COL23A1: variants seen among roughly 807,000 people sequenced by gnomAD.
COL23A1 encodes the protein collagen alpha-1(XXIII) chain.
In COL23A1, 97 loss-of-function variants were observed where a neutral mutation model predicts 99.3. The ratio of observed to expected loss-of-function variants is 0.98; its 90% CI spans 0.83 to 1.16. The LOEUF (loss-of-function observed/expected upper bound fraction) is 1.16, where lower values mean the gene tolerates loss of function less well. Ranked by LOEUF, COL23A1 falls within the 50% of genes most tolerant of loss-of-function variation. The pLI is 0.00. For synonymous variants in COL23A1, 320 were observed against 308.2 expected, an observed-to-expected ratio of 1.04 and a Z score of -0.40; for missense variants, 762 against 757.4, an observed-to-expected ratio of 1.01 and a Z score of -0.07.
At chr5:178,546,987 CAG>C (rs1761617589) in intron 2 of COL23A1, among the ~76,000 whole-genome samples, 1 of 152,302 alleles carries the variant, frequency 6.6e-6, no homozygotes, top group South Asian at 2.1e-4. Flanking sequence ...CGCTCGCATG[CAG>C]AGTGGCCTTC....
chr5:178,465,844 T>C lies in COL23A1; in HGVS notation c.361+94838A>G, dbSNP rs550957471. On this transcript the variant is annotated intron_variant, in intron 2 of 28. Transcript: ENST00000390654. The stretch of plus-strand genomic sequence containing the variant: ...GGACTGGCGTGCAGGGGCAGGGAGA[T>C]GTGGGGTGGTCAGTACCAACCAGCG... Among the ~76,000 whole-genome samples, 56 of 152,212 alleles carry C rather than the reference T, an allele frequency of 3.7e-4. 1 individual carries two copies. The Middle Eastern group carries it at 0.014, about 37-fold the overall frequency.
intron 3 of COL23A1, among the ~76,000 whole-genome samples, chr5:178,298,403 A>G (rs758927483): frequency 1.1e-4 from 17 of 152,186 alleles, no homozygotes; most frequent in Non-Finnish European, 2.1e-4. Flanking sequence ...TCATGTCTCC[A>G]GTGTTTCCCA....
chr5:178,362,836 A>G (rs1326985955), intron 2 of COL23A1, among the ~76,000 whole-genome samples: 3 of 151,980 alleles, frequency 2.0e-5, no homozygotes, highest in African/African-American at 7.2e-5. Flanking sequence ...AGCCCATGGC[A>G]CAGCCCAGCA....
At position 178,311,729 on chromosome 5, in the gene COL23A1, TTTTGTTTTG is replaced by T. The variant is rs1483795112; in HGVS notation, c.362-4819_362-4811del. 1.6e-4 allele frequency among the ~76,000 whole-genome samples: 2 copies of T among 12,584 alleles called. 1 individual carries two copies. Among genetic ancestry groups the T allele is most frequent in the Non-Finnish European group, 6.5e-4 (2 of 3,094 alleles). The allele number at this position is 12,584 out of a possible 152,430, so 8.3% of individuals were successfully genotyped here. ...CACTGTGTAACTGTTTTTTGTTTTG[TTTTGTTTTG>T]TTTTTTTTTTGAGACGGAGTCTCAC... On this transcript the variant is annotated intron_variant, in intron 2 of 28. Coordinates refer to ENST00000390654, the MANE Select transcript of COL23A1 (RefSeq NM_173465.4).
At chr5:178,465,171 C>T (rs1756344721) in intron 2 of COL23A1, among the ~76,000 whole-genome samples, 2 of 152,202 alleles carry the variant, frequency 1.3e-5, no homozygotes, top group East Asian at 1.9e-4. Flanking sequence ...CAGCCTTGCA[C>T]AGCGTGTACA....
intron 2 of COL23A1, among the ~76,000 whole-genome samples, chr5:178,449,575 T>C (rs1374290422): frequency 7.0e-6 from 1 of 143,552 alleles, no homozygotes; most frequent in African/African-American, 2.7e-5. Context: ...TTAAAAATAA[T>C]GCTCATTAAA....
chr5:178,577,683 G>A (rs1208900103), intron 1 of COL23A1, among the ~76,000 whole-genome samples: 2 of 152,184 alleles, frequency 1.3e-5, no homozygotes. Flanking sequence ...TCCTCTGGCC[G>A]CGCTGCGCCC....
At chr5:178,396,882 G>C (rs1282754453) in intron 2 of COL23A1, among the ~76,000 whole-genome samples, 1 of 152,166 alleles carries the variant, frequency 6.6e-6, no homozygotes, top group Non-Finnish European at 1.5e-5. Flanking sequence ...CTCCTGCCCA[G>C]GACTGTTTGG....
intron 2 of COL23A1, among the ~76,000 whole-genome samples, chr5:178,391,657 T>C (rs889375961): frequency 6.6e-6 from 1 of 152,106 alleles, no homozygotes; most frequent in African/African-American, 2.4e-5. Flanking sequence ...TGCAGCAGCT[T>C]TGGAAGACAG....
intron 2 of COL23A1, among the ~76,000 whole-genome samples, chr5:178,397,472 G>A (rs1483471156): frequency 6.6e-6 from 1 of 152,206 alleles, no homozygotes; most frequent in African/African-American, 2.4e-5. Context: ...AAAGTCATCA[G>A]GACACAGAAC....
intron 2 of COL23A1, among the ~76,000 whole-genome samples, chr5:178,419,072 G>T (rs181193550): frequency 9.2e-5 from 14 of 152,176 alleles, no homozygotes; most frequent in South Asian, 4.1e-4. Context: ...GCCCCATCCT[G>T]TCTGCTCCCT....
intron 2 of COL23A1, among the ~76,000 whole-genome samples, chr5:178,551,688 C>A (rs190298840): frequency 6.6e-6 from 1 of 152,132 alleles, no homozygotes. Context: ...CCCTCCTCCC[C>A]GTGCCTGGCA....
intron 1 of COL23A1, among the ~76,000 whole-genome samples, chr5:178,586,980 G>C (rs1764037245): frequency 1.3e-5 from 2 of 152,186 alleles, no homozygotes; most frequent in South Asian, 4.1e-4. Flanking sequence ...ACAATGGAAG[G>C]CCAACAGCCA....
At chr5:178,488,281 T>C (rs1757740431) in intron 2 of COL23A1, among the ~76,000 whole-genome samples, 1 of 152,170 alleles carries the variant, frequency 6.6e-6, no homozygotes, top group Non-Finnish European at 1.5e-5. Context: ...TGCTAGAGAT[T>C]TGCCCAGGAA....
chr5:178,473,448 C>T (rs1277475787), intron 2 of COL23A1, among the ~76,000 whole-genome samples: 1 of 146,790 alleles, frequency 6.8e-6, no homozygotes, highest in African/African-American at 2.5e-5. Flanking sequence ...GCATGAGCCA[C>T]TACATCCGGC....
At chr5:178,564,669 CG>C (rs1176965301) in intron 1 of COL23A1, among the ~76,000 whole-genome samples, 1 of 152,068 alleles carries the variant, frequency 6.6e-6, no homozygotes, top group African/African-American at 2.4e-5. Flanking sequence ...GGGGGAAGGG[CG>C]GCAAGAGCTC....
chr5:178,529,079 C>A (rs183295570), intron 2 of COL23A1, among the ~76,000 whole-genome samples: 5 of 152,216 alleles, frequency 3.3e-5, no homozygotes, highest in African/African-American at 1.2e-4. Context: ...AGGTCCCTCG[C>A]GGCTGTTCTC....
In COL23A1 at chr5:178,318,456, G is replaced by A. The variant is rs12187848; in HGVS notation, c.362-11537C>T. 1.6e-3 allele frequency among the ~76,000 whole-genome samples: 246 copies of A among 152,320 alleles called. 1 individual carries two copies. The highest frequency in any genetic ancestry group is 3.1e-3 in the South Asian group (15 of 4,826). Reference sequence around the variant, plus strand: ...GCTGAAGGGAGGACTGAGCAAAACCGATGGGAAGAGGGGAAAGCCCCTCAG... The same window carrying A: ...GCTGAAGGGAGGACTGAGCAAAACCAATGGGAAGAGGGGAAAGCCCCTCAG... On this transcript the variant is annotated intron_variant, in intron 2 of 28. Transcript: ENST00000390654.
chr5:178,577,764 C>G (rs2113699623), intron 1 of COL23A1, among the ~76,000 whole-genome samples: 1 of 152,378 alleles, frequency 6.6e-6, no homozygotes, highest in Non-Finnish European at 1.5e-5. Flanking sequence ...CGGCCAGCCC[C>G]TTTCCAGAAG....
Sources: gnomAD v4.1 joint callset for allele counts (sites outside exome capture counted in the v4.1 genomes callset) on GRCh38, gnomAD v4.1.1 for gene constraint, MANE v1.5 for transcripts, NCBI Gene and HGNC (gene_info 2026-07-23, HGNC 2026-07-21) for gene names.